Variants in MRTFB observed in about 807,000 individuals in gnomAD.
The protein encoded by MRTFB is myocardin related transcription factor B, also known as myocardin-related transcription factor B.
A neutral mutation model predicts 104.2 loss-of-function variants in MRTFB; 29 were observed. The ratio of observed to expected loss-of-function variants is 0.28; its 90% CI spans 0.21 to 0.38. MRTFB has a LOEUF of 0.38. Ranked by LOEUF, MRTFB falls within the 10% of genes least tolerant of loss-of-function variation. The pLI is 1.00. For missense variants in MRTFB, 1,270 were observed against 1,341.6 expected, an observed-to-expected ratio of 0.95 and a Z score of 0.83; for synonymous variants, 535 against 519.5, an observed-to-expected ratio of 1.03 and a Z score of -0.41.
chr16:14,185,361 A>T (rs1344382493), intron 3 of MRTFB, among the ~76,000 whole-genome samples: 3 of 152,232 alleles, frequency 2.0e-5, no homozygotes, highest in Non-Finnish European at 2.9e-5. Context: ...TAAGTGGTGG[A>T]AAGAATATTG....
At chr16:14,097,705 C>A (rs1349347004) in intron 2 of MRTFB, among the ~76,000 whole-genome samples, 1 of 152,204 alleles carries the variant, frequency 6.6e-6, no homozygotes, top group East Asian at 1.9e-4. Context: ...CCCAAAATTT[C>A]TTTGTATGGC....
chr16:14,240,851 C>T (rs1421527231), intron 10 of MRTFB: 6 of 646,246 alleles, frequency 9.3e-6, no homozygotes, highest in Admixed American at 2.6e-5. Context: ...GGCATGAAAG[C>T]TGGAGTGGTC....
the MRTFB span, among the ~76,000 whole-genome samples, chr16:14,051,262 A>G: frequency 6.6e-6 from 1 of 152,048 alleles, no homozygotes; most frequent in South Asian, 2.1e-4. Context: ...ATAGACATAC[A>G]GACACACACG....
chr16:14,000,572 A>G, the MRTFB span, among the ~76,000 whole-genome samples: 1 of 152,248 alleles, frequency 6.6e-6, no homozygotes, highest in Non-Finnish European at 1.5e-5. Flanking sequence ...ATCTAAAGCC[A>G]GGGCCTTTTC....
At chr16:14,220,467 C>A (rs2041641633) in intron 8 of MRTFB, among the ~76,000 whole-genome samples, 1 of 152,194 alleles carries the variant, frequency 6.6e-6, no homozygotes, top group Non-Finnish European at 1.5e-5. Flanking sequence ...TTATAATTCT[C>A]TTCCTTGTAT....
At chr16:14,100,013 T>C (rs1268800149) in intron 2 of MRTFB, among the ~76,000 whole-genome samples, 1 of 152,232 alleles carries the variant, frequency 6.6e-6, no homozygotes, top group Non-Finnish European at 1.5e-5. Context: ...GTAGAGTTTA[T>C]TGGATTTTCA....
intron 3 of MRTFB, among the ~76,000 whole-genome samples, chr16:14,185,947 G>A (rs2039937350): frequency 6.6e-6 from 1 of 152,180 alleles, no homozygotes; most frequent in Non-Finnish European, 1.5e-5. Flanking sequence ...TTGCAGGAGA[G>A]GTGCCCATCC....
intron 2 of MRTFB, among the ~76,000 whole-genome samples, chr16:14,117,950 G>T (rs1348718527): frequency 6.6e-6 from 1 of 151,906 alleles, no homozygotes; most frequent in Non-Finnish European, 1.5e-5. Flanking sequence ...AGTATTTCAT[G>T]AATACAGAAA....
chr16:14,254,114 T>TTA (rs1429927019), intron 15 of MRTFB, among the ~76,000 whole-genome samples: 1 of 152,174 alleles, frequency 6.6e-6, no homozygotes, highest in African/African-American at 2.4e-5. Flanking sequence ...AGGTTCCTGT[T>TTA]TATAGACTGA....
Position 14,192,703 on chromosome 16 carries a change from C to G in MRTFB, c.155-17540C>G, listed in dbSNP as rs527523180. ...GAAAAAAGCTATGTATGCTTTGGTC[C>G]AAATAAGCAAGCATTACAGACTGGG... On this transcript the variant is annotated intron_variant, in intron 3 of 16. Coordinates refer to ENST00000571589, the MANE Select transcript of MRTFB (RefSeq NM_001308142.2). 3.3e-5 allele frequency among the ~76,000 whole-genome samples: 5 copies of G among 152,230 alleles called. No homozygotes were observed. The South Asian group carries it at 1.0e-3, about 32-fold the overall frequency.
At chr16:14,042,277 C>T in the MRTFB span, among the ~76,000 whole-genome samples, 1 of 152,052 alleles carries the variant, frequency 6.6e-6, no homozygotes, top group Non-Finnish European at 1.5e-5. Context: ...AGGCACCCGC[C>T]ACCACGCCGG....
At chr16:14,187,784 G>T (rs2040010165) in intron 3 of MRTFB, among the ~76,000 whole-genome samples, 1 of 152,176 alleles carries the variant, frequency 6.6e-6, no homozygotes, top group Non-Finnish European at 1.5e-5. Flanking sequence ...GAAATTCAGG[G>T]TCTACAGAGA....
chr16:14,221,757 A>AT (rs1362057589), intron 8 of MRTFB, among the ~76,000 whole-genome samples: 1 of 132,394 alleles, frequency 7.6e-6, no homozygotes, highest in African/African-American at 2.8e-5. Context: ...GACTAGCTTG[A>AT]TTTTTTTAGA....
chr16:14,168,867 G>T (rs937313185), intron 3 of MRTFB, among the ~76,000 whole-genome samples: 5 of 152,186 alleles, frequency 3.3e-5, no homozygotes, highest in African/African-American at 9.7e-5. Context: ...ATTTGGCAAA[G>T]TTAGTCTTCT....
chr16:14,184,812 G>A (rs533002936), intron 3 of MRTFB, among the ~76,000 whole-genome samples: 1 of 152,292 alleles, frequency 6.6e-6, no homozygotes, highest in African/African-American at 2.4e-5. Context: ...CAGAAGGCAG[G>A]GCAAGGCCAT....
chr16:14,139,647 A>G (rs968238826), intron 2 of MRTFB, among the ~76,000 whole-genome samples: 1 of 152,210 alleles, frequency 6.6e-6, no homozygotes, highest in Non-Finnish European at 1.5e-5. Context: ...TACCCAAGAG[A>G]AGGGAAAGCA....
chr16:14,020,169 T>C, the MRTFB span, among the ~76,000 whole-genome samples: 10 of 152,128 alleles, frequency 6.6e-5, no homozygotes, highest in African/African-American at 2.4e-4. Context: ...CCTTTGCTTG[T>C]GTTAGCTTCC....
chr16:14,173,103 T>C (rs1022175061), intron 3 of MRTFB, among the ~76,000 whole-genome samples: 6 of 152,204 alleles, frequency 3.9e-5, no homozygotes, highest in African/African-American at 1.4e-4. Flanking sequence ...AGATCTCTGA[T>C]CCTCTTGGAG....
the MRTFB span, among the ~76,000 whole-genome samples, chr16:14,037,777 C>T: frequency 2.6e-5 from 4 of 152,150 alleles, no homozygotes; most frequent in Admixed American, 6.5e-5. Context: ...TCATCATGAA[C>T]GAGGAACAAG....
Sources: gnomAD v4.1 joint callset for allele counts (sites outside exome capture counted in the v4.1 genomes callset) on GRCh38, gnomAD v4.1.1 for gene constraint, MANE v1.5 for transcripts, NCBI Gene and HGNC (gene_info 2026-07-23, HGNC 2026-07-21) for gene names.